Variants in CCDC7 observed in about 807,000 individuals in gnomAD.
CCDC7 encodes the protein coiled-coil domain-containing protein 7.
In CCDC7, 183 loss-of-function variants were observed where a neutral mutation model predicts 196.9. The observed-to-expected ratio is 0.93, with a 90% CI of 0.82 to 1.05. The LOEUF (loss-of-function observed/expected upper bound fraction) is 1.05. Ranked by LOEUF, CCDC7 falls within the 50% of genes least tolerant of loss-of-function variation. The pLI is 0.00. For missense variants in CCDC7, 1,540 were observed against 1,482.2 expected (o/e 1.04, Z -0.64); for synonymous variants, 525 against 484.6 (o/e 1.08, Z -1.10).
intron 16 of CCDC7, among the ~76,000 whole-genome samples, chr10:32,582,385 T>C (rs1179434707): frequency 1.3e-5 from 2 of 151,848 alleles, no homozygotes; most frequent in African/African-American, 4.8e-5. Context: ...TTGCATTTCA[T>C]AGGACTAGGA....
At chr10:32,577,941 CAGG>C (rs2058379907) in intron 16 of CCDC7, among the ~76,000 whole-genome samples, 2 of 152,286 alleles carry the variant, frequency 1.3e-5, no homozygotes, top group South Asian at 2.1e-4. Flanking sequence ...TGCCACTCAG[CAGG>C]AGAAGAAAAT....
At chr10:32,635,463 A>G (rs1032759708) in intron 20 of CCDC7, among the ~76,000 whole-genome samples, 2 of 152,168 alleles carry the variant, frequency 1.3e-5, no homozygotes, top group African/African-American at 4.8e-5. Context: ...TTCCTAATGA[A>G]GGGACCTGCT....
At chr10:32,668,181 G>A (rs2073238661) in intron 21 of CCDC7, among the ~76,000 whole-genome samples, 1 of 152,026 alleles carries the variant, frequency 6.6e-6, no homozygotes, top group South Asian at 2.1e-4. Flanking sequence ...GTCTGTTATT[G>A]GTGTATAAGA....
At chr10:32,796,882 C>G (rs920764729) in intron 29 of CCDC7, among the ~76,000 whole-genome samples, 1 of 152,034 alleles carries the variant, frequency 6.6e-6, no homozygotes, top group African/African-American at 2.4e-5. Context: ...TAAAAATAAC[C>G]TGGTGAAATT....
At chr10:32,867,216 G>C (rs1565758405) in intron 41 of CCDC7, among the ~76,000 whole-genome samples, 1 of 151,536 alleles carries the variant, frequency 6.6e-6, no homozygotes, top group Admixed American at 6.6e-5. Flanking sequence ...TAGATGGTAA[G>C]TTGAGTCAAT....
intron 33 of CCDC7, among the ~76,000 whole-genome samples, chr10:32,837,570 A>C (rs1399836615): frequency 6.6e-6 from 1 of 152,148 alleles, no homozygotes; most frequent in Non-Finnish European, 1.5e-5. Context: ...CCATCCCATT[A>C]CTGGGTATAT....
At chr10:32,877,188 A>G (rs544307565), downstream of CCDC7, 31 of 152,240 alleles carry the variant, frequency 2.0e-4, no homozygotes, top group Admixed American at 1.4e-3. Context: ...GATATTATTT[A>G]CATTTTATAT....
In CCDC7 at chr10:32,729,513, TG is replaced by T. The variant is rs1455797320; in HGVS notation, c.2905+57del. 6 of 906,736 alleles carry T rather than the reference TG, an allele frequency of 6.6e-6. No individual in the cohort carries two copies. In the African/African-American group the frequency reaches 1.0e-4, roughly 15 times the overall value. The allele number at this position is 906,736 out of a possible 1,614,324, so 56.2% of individuals were successfully genotyped here. On this transcript the variant is annotated intron_variant, in intron 28 of 41. Coordinates refer to ENST00000639629, the Ensembl canonical transcript of CCDC7. ...GTTTTTATTAAATTCAGGAGAAATT[TG>T]TTTTTGGTTTATAAATATGCCTTCA...
chr10:32,550,057 T>C (rs892011462), intron 13 of CCDC7, among the ~76,000 whole-genome samples: 7 of 152,204 alleles, frequency 4.6e-5, no homozygotes, highest in African/African-American at 1.7e-4. Context: ...ATGGGATGTG[T>C]TTCCATATGT....
intron 40 of CCDC7, among the ~76,000 whole-genome samples, chr10:32,852,451 C>G (rs1168869630): frequency 6.6e-6 from 1 of 152,046 alleles, no homozygotes; most frequent in Non-Finnish European, 1.5e-5. Context: ...AATTATCACC[C>G]TGGTACATTT....
At chr10:32,700,067 A>C (rs966502637) in intron 24 of CCDC7, among the ~76,000 whole-genome samples, 34 of 149,296 alleles carry the variant, frequency 2.3e-4, no homozygotes, top group African/African-American at 4.4e-4. Flanking sequence ...AATTAGATCC[A>C]ATTTGTCAAT....
chr10:32,732,851 A>T (rs1384075455), intron 28 of CCDC7, among the ~76,000 whole-genome samples: 1 of 152,058 alleles, frequency 6.6e-6, no homozygotes, highest in Non-Finnish European at 1.5e-5. Context: ...TAATATTAGT[A>T]TTTGCAGAAC....
chr10:32,843,903 T>C (rs1226079589), intron 33 of CCDC7, among the ~76,000 whole-genome samples: 3 of 151,994 alleles, frequency 2.0e-5, no homozygotes, highest in Non-Finnish European at 4.4e-5. Flanking sequence ...TTGGTAATGA[T>C]GCCTCAGCTG....
chr10:32,813,935 C>T (rs1290328756), intron 30 of CCDC7, among the ~76,000 whole-genome samples: 1 of 152,046 alleles, frequency 6.6e-6, no homozygotes, highest in Non-Finnish European at 1.5e-5. Context: ...TTTAATTCTT[C>T]TATAAATACA....
chr10:32,693,118 G>A (rs896216699), intron 23 of CCDC7, among the ~76,000 whole-genome samples: 4 of 152,110 alleles, frequency 2.6e-5, no homozygotes, highest in Non-Finnish European at 4.4e-5. Context: ...ATATTGATGA[G>A]TTACTGCTTT....
chr10:32,540,212 G>A (rs1400878154), intron 11 of CCDC7, among the ~76,000 whole-genome samples: 1 of 152,098 alleles, frequency 6.6e-6, no homozygotes, highest in Non-Finnish European at 1.5e-5. Flanking sequence ...CCTATGTTGG[G>A]TGTGTATATG....
chr10:32,520,727 G>A (rs1022212841), intron 11 of CCDC7, among the ~76,000 whole-genome samples: 3 of 151,856 alleles, frequency 2.0e-5, no homozygotes, highest in Admixed American at 2.0e-4. Context: ...TTAACTTGGT[G>A]TTATCCCATG....
intron 41 of CCDC7, among the ~76,000 whole-genome samples, chr10:32,866,403 G>T (rs1439821859): frequency 6.6e-6 from 1 of 150,838 alleles, no homozygotes; most frequent in Admixed American, 6.6e-5. Flanking sequence ...AATTATTTGA[G>T]AAAATGAACA....
intron 41 of CCDC7, among the ~76,000 whole-genome samples, chr10:32,858,046 CA>C (rs940308832): frequency 1.6e-5 from 2 of 129,028 alleles, no homozygotes; most frequent in African/African-American, 5.1e-5. Flanking sequence ...ATAAATTCCT[CA>C]AAAAATATAA....
Sources: allele counts gnomAD v4.1 joint callset (sites outside exome capture counted in the v4.1 genomes callset), GRCh38; gene constraint gnomAD v4.1.1; transcripts MANE v1.5; gene names NCBI Gene and HGNC (gene_info 2026-07-23, HGNC 2026-07-21).